Variants in CDHR3 observed in about 807,000 individuals in gnomAD.
CDHR3 encodes cadherin related family member 3.
In CDHR3, 79 loss-of-function variants were observed where a neutral mutation model predicts 86.6. That is an observed-to-expected ratio of 0.91 (90% CI 0.76 to 1.10). CDHR3 has a LOEUF of 1.10. CDHR3 is among the 50% of genes least tolerant of loss of function. CDHR3 has a pLI of 0.00. For missense variants in CDHR3, 1,081 were observed against 1,077.6 expected (o/e 1.00, Z -0.04); for synonymous variants, 421 against 402.4 (o/e 1.05, Z -0.55).
In CDHR3 at chr7:106,035,942, C is replaced by A. The variant is rs1226608868; in HGVS notation, c.*3245C>A. ...TGAATAAAATGAAGACAGCAACCGT[C>A]GTGGATTTGGTGAAAGTTTTCTCCC... On this transcript the variant is annotated 3_prime_UTR_variant, in exon 19 of 19. Transcript: ENST00000317716. The A allele has an allele frequency of 1.3e-5, 2 of 152,194 alleles. No individual in the cohort carries two copies. The highest frequency in any genetic ancestry group is 2.9e-5 in the Non-Finnish European group (2 of 68,042). The allele number at this position is 152,194 out of a possible 1,614,324, so 9.4% of individuals were successfully genotyped here. A position where few individuals can be genotyped will look rare whatever the true frequency, so the allele number is the denominator to read the frequency against.
chr7:105,970,360 C>T (rs1470036437), intron 1 of CDHR3, among the ~76,000 whole-genome samples: 1 of 152,242 alleles, frequency 6.6e-6, no homozygotes, highest in African/African-American at 2.4e-5. Context: ...TGAGCACATC[C>T]TGCATCCAGA....
At position 106,017,795 on chromosome 7, in the gene CDHR3, C is replaced by T. The variant is rs889428144; in HGVS notation, c.1427-51C>T. The T allele has an allele frequency of 4.2e-5, 60 of 1,437,504 alleles. No individual in the cohort carries two copies. In the South Asian group the frequency reaches 5.6e-4, roughly 13 times the overall value. 89.0% of individuals were successfully genotyped at this position (1,437,504 alleles called of 1,614,324 possible). On this transcript the variant is annotated intron_variant, in intron 11 of 18. Transcript: ENST00000317716. Reference sequence around the variant, plus strand: ...TTAGGACATCTGTTCCTGAATCATCCTTCTCTACCCCTTAAAAGCAGGACT... The same window carrying T: ...TTAGGACATCTGTTCCTGAATCATCTTTCTCTACCCCTTAAAAGCAGGACT...
chr7:106,028,117 TAAAATAAAATAAAATAAAATAAAATAAAA>T (rs1304336252), intron 16 of CDHR3, among the ~76,000 whole-genome samples: 1 of 11,272 alleles, frequency 8.9e-5, no homozygotes, highest in African/African-American at 3.6e-4. Flanking sequence ...GACCCTGTCT[TAAAATAAAATAAAATAAAATAAAATAAAA>T]TAAAATAAAA....
intron 2 of CDHR3, 24 bp from the exon 3 acceptor site, chr7:105,980,944 T>G (rs747403725): frequency 1.9e-6 from 3 of 1,584,982 alleles, no homozygotes; most frequent in South Asian, 2.3e-5. Flanking sequence ...ACATGGTTAC[T>G]AAGAATTTTG....
chr7:105,967,541 CA>C lies in CDHR3; in HGVS notation c.46+4179del, dbSNP rs1184131211. On this transcript the variant is annotated intron_variant, in intron 1 of 18. Transcript: ENST00000317716. ...TGAGGAATCGCCACACTGACTTCCA[CA>C]ATGGTTGAACTAGTTTACAGTCCCA... 7.9e-5 allele frequency among the ~76,000 whole-genome samples: 12 copies of C among 152,340 alleles called. No homozygotes were observed. The East Asian group carries it at 2.3e-3, about 29-fold the overall frequency.
chr7:105,986,692 G>A (rs778449174), intron 4 of CDHR3, among the ~76,000 whole-genome samples: 16 of 152,088 alleles, frequency 1.1e-4, no homozygotes, highest in Non-Finnish European at 2.1e-4. Context: ...AATAAACTGG[G>A]GAAACTTAGC....
intron 8 of CDHR3, among the ~76,000 whole-genome samples, chr7:106,007,175 G>T (rs906121120): frequency 3.5e-4 from 54 of 152,228 alleles, no homozygotes; most frequent in African/African-American, 1.3e-3. Context: ...ACACAAGAGA[G>T]GGACCCAGGG....
At chr7:106,028,922 TTC>T (rs1302324162) in intron 17 of CDHR3, among the ~76,000 whole-genome samples, 1 of 84,710 alleles carries the variant, frequency 1.2e-5, no homozygotes, top group African/African-American at 5.0e-5. Context: ...TAAATTTTCT[TTC>T]TTTCTTTCTT....
At chr7:105,998,323 A>G (rs1283838035) in intron 6 of CDHR3, among the ~76,000 whole-genome samples, 2 of 152,246 alleles carry the variant, frequency 1.3e-5, no homozygotes, top group Non-Finnish European at 2.9e-5. Flanking sequence ...CAGCCTTTCT[A>G]TCTTTACTAT....
intron 5 of CDHR3, among the ~76,000 whole-genome samples, chr7:105,995,863 C>T (rs1832106643): frequency 6.6e-6 from 1 of 152,082 alleles, no homozygotes; most frequent in Non-Finnish European, 1.5e-5. Flanking sequence ...GCAGGTGAGG[C>T]TCCTGGCTCT....
chr7:106,028,981 T>TTTCTTTC, intron 17 of CDHR3, among the ~76,000 whole-genome samples: 1 of 150,200 alleles, frequency 6.7e-6, no homozygotes, highest in African/African-American at 2.5e-5. Context: ...TCTTTCTTTC[T>TTTCTTTC]TTCTTTCTTT....
chr7:106,031,208 C>G (rs868692041), intron 18 of CDHR3, among the ~76,000 whole-genome samples: 2 of 152,306 alleles, frequency 1.3e-5, no homozygotes, highest in South Asian at 2.1e-4. Context: ...TTGCCCCCCC[C>G]AGCCCATCCA....
At chr7:105,989,906 C>T (rs1831106308) in intron 4 of CDHR3, among the ~76,000 whole-genome samples, 1 of 152,226 alleles carries the variant, frequency 6.6e-6, no homozygotes, top group Admixed American at 6.5e-5. Context: ...TTCAGCTCCC[C>T]TGGTGTCTGC....
intron 16 of CDHR3, among the ~76,000 whole-genome samples, chr7:106,026,987 G>A (rs1837451649): frequency 6.6e-6 from 1 of 152,186 alleles, no homozygotes; most frequent in Non-Finnish European, 1.5e-5. Flanking sequence ...TTGCTGCATG[G>A]CACAGGAAGA....
intron 2 of CDHR3, among the ~76,000 whole-genome samples, chr7:105,976,402 G>A (rs201292206): frequency 1.3e-5 from 2 of 152,192 alleles, no homozygotes; most frequent in Non-Finnish European, 2.9e-5. Context: ...AGCTGAGAAT[G>A]GAAGCCAGGC....
intron 11 of CDHR3, among the ~76,000 whole-genome samples, chr7:106,016,834 C>A (rs1355843731): frequency 6.6e-6 from 1 of 152,172 alleles, no homozygotes; most frequent in Non-Finnish European, 1.5e-5. Context: ...CAGTGAATAA[C>A]AAATTCGAAA....
rs537576716 is a variant in CDHR3 at position 106,011,879 on chromosome 7, G to C, written c.1053-981G>C. Among the ~76,000 whole-genome samples the C allele has an allele frequency of 3.9e-5, 6 of 152,220 alleles. No homozygotes were observed. The South Asian group carries it at 8.3e-4, about 21-fold the overall frequency. Reference sequence around the variant, plus strand: ...GGAGTCTACTGAGATCAAGACCCCCGAATTTGATCATTAATAAATCTCTTT... The same window carrying C: ...GGAGTCTACTGAGATCAAGACCCCCCAATTTGATCATTAATAAATCTCTTT... On this transcript the variant is annotated intron_variant, in intron 8 of 18. Transcript: ENST00000317716.
chr7:105,994,359 A>G (rs955580008), intron 4 of CDHR3, among the ~76,000 whole-genome samples: 2 of 152,120 alleles, frequency 1.3e-5, no homozygotes, highest in Admixed American at 6.5e-5. Context: ...TGTATTAAAT[A>G]CACTGTATTT....
intron 1 of CDHR3, among the ~76,000 whole-genome samples, chr7:105,970,958 G>A (rs1383903627): frequency 1.3e-5 from 2 of 151,940 alleles, no homozygotes; most frequent in African/African-American, 2.4e-5. Context: ...TGGCTAACAC[G>A]GTGAAACTCC....
Sources: gnomAD v4.1 joint callset for allele counts (sites outside exome capture counted in the v4.1 genomes callset) on GRCh38, gnomAD v4.1.1 for gene constraint, MANE v1.5 for transcripts, NCBI Gene and HGNC (gene_info 2026-07-23, HGNC 2026-07-21) for gene names.